TMPRSS7: variants seen among roughly 807,000 people sequenced by gnomAD.
TMPRSS7 encodes the protein transmembrane serine protease 7.
TMPRSS7 carries 81 observed loss-of-function variants against 95.6 expected under a neutral mutation model. That is an observed-to-expected ratio of 0.85 (90% CI 0.71 to 1.02). The LOEUF is 1.02. TMPRSS7 is among the 50% of genes least tolerant of loss of function. The probability of loss-of-function intolerance (pLI) is 0.00; values close to 1 mark genes in which losing one functional copy is unlikely to be tolerated. For synonymous variants in TMPRSS7, 364 were observed against 337.8 expected (o/e 1.08, Z -0.85); for missense variants, 945 against 955.2 (o/e 0.99, Z 0.14).
intron 3 of TMPRSS7, chr3:112,043,186 C>A: frequency 2.3e-6 from 1 of 443,640 alleles, no homozygotes; most frequent in South Asian, 1.6e-5. Context: ...TGGCCTACTA[C>A]ACACCCAGGC....
intron 3 of TMPRSS7, 21 bp from the exon 4 acceptor site, chr3:112,044,234 A>G (rs1481622883): frequency 6.6e-7 from 1 of 1,509,098 alleles, no homozygotes; most frequent in Non-Finnish European, 9.0e-7. Flanking sequence ...TACTTCAGAT[A>G]CCTCAACTAT....
intron 11 of TMPRSS7, among the ~76,000 whole-genome samples, chr3:112,062,915 A>C (rs553757076): frequency 6.6e-6 from 1 of 152,302 alleles, no homozygotes; most frequent in Admixed American, 6.5e-5. Flanking sequence ...CAGGGAATGG[A>C]TCATTAATCA....
chr3:112,051,263 CAAT>C (rs2073345078), intron 9 of TMPRSS7, among the ~76,000 whole-genome samples: 1 of 151,838 alleles, frequency 6.6e-6, no homozygotes, highest in Non-Finnish European at 1.5e-5. Context: ...AAATAAAAAA[CAAT>C]ACAATATAAC....
At chr3:112,078,641 G>T in intron 16 of TMPRSS7, 101 bp from the exon 17 acceptor site, 1 of 1,455,504 alleles carries the variant, frequency 6.9e-7, no homozygotes. Flanking sequence ...TTGCCGCTAT[G>T]AGGGTAAAAG....
At chr3:112,050,947 C>A (rs2073340406) in intron 9 of TMPRSS7, among the ~76,000 whole-genome samples, 164 bp downstream of exon 9, 1 of 152,118 alleles carries the variant, frequency 6.6e-6, no homozygotes, top group Non-Finnish European at 1.5e-5. Flanking sequence ...GTAATTTCAA[C>A]CCTCTGCCCA....
intron 9 of TMPRSS7, among the ~76,000 whole-genome samples, chr3:112,051,326 G>GA (rs2073346149): frequency 6.6e-6 from 1 of 151,972 alleles, no homozygotes; most frequent in Non-Finnish European, 1.5e-5. Flanking sequence ...GTAATCTAGA[G>GA]ATGATTTAAA....
At position 112,073,509 on chromosome 3, in the gene TMPRSS7, A is replaced by T. The variant is rs367572159; in HGVS notation, c.1667-787A>T. Among the ~76,000 whole-genome samples, 28 of 152,026 alleles carry T rather than the reference A, an allele frequency of 1.8e-4. No individual in the cohort carries two copies. The East Asian group carries it at 5.4e-3, about 29-fold the overall frequency. Reference sequence around the variant, plus strand: ...GACCAGTGATGATGAGCATTTTTTCATGTGTCTGTTGGCTGCATAAATGTC... The same window carrying T: ...GACCAGTGATGATGAGCATTTTTTCTTGTGTCTGTTGGCTGCATAAATGTC... On this transcript the variant is annotated intron_variant, in intron 13 of 17. Coordinates refer to ENST00000452346, the Ensembl canonical transcript of TMPRSS7.
intron 9 of TMPRSS7, among the ~76,000 whole-genome samples, chr3:112,054,131 G>T (rs1237215411): frequency 1.3e-5 from 2 of 152,198 alleles, no homozygotes; most frequent in African/African-American, 4.8e-5. Flanking sequence ...TTTTACCACA[G>T]AAACTTTCAC....
At chr3:112,047,711 A>G (rs1300664462) in intron 6 of TMPRSS7, 28 bp from the exon 7 acceptor site, 3 of 1,502,960 alleles carry the variant, frequency 2.0e-6, no homozygotes, top group Non-Finnish European at 2.7e-6. Flanking sequence ...AAAAAAGAAA[A>G]TAAAGGAAAA....
intron 4 of TMPRSS7, among the ~76,000 whole-genome samples, chr3:112,045,427 C>T (rs1289000318): frequency 6.6e-6 from 1 of 152,176 alleles, no homozygotes; most frequent in Admixed American, 6.5e-5. Flanking sequence ...GGATTACAGG[C>T]GTGAGCCACC....
chr3:112,037,231 C>A (rs910487611), intron 1 of TMPRSS7, among the ~76,000 whole-genome samples: 1 of 152,168 alleles, frequency 6.6e-6, no homozygotes, highest in African/African-American at 2.4e-5. Flanking sequence ...TCGCTAAATT[C>A]TTTCCCCAGT....
chr3:112,077,991 CTGTAGCCTCGTTT>C (rs2073733078), intron 16 of TMPRSS7, among the ~76,000 whole-genome samples: 1 of 152,166 alleles, frequency 6.6e-6, no homozygotes, highest in Non-Finnish European at 1.5e-5. Context: ...GAACCTTGCC[CTGTAGCCTCGTTT>C]TGACACTCTA....
intron 13 of TMPRSS7, among the ~76,000 whole-genome samples, chr3:112,068,236 T>C (rs1364857873): frequency 6.6e-6 from 1 of 152,202 alleles, no homozygotes; most frequent in African/African-American, 2.4e-5. Context: ...AGCCTTGTAG[T>C]ATAATTTGAA....
chr3:112,040,124 T>C (rs4682347), intron 2 of TMPRSS7, among the ~76,000 whole-genome samples: 43,644 of 151,716 alleles, frequency 0.29, 7,275 homozygotes, highest in Middle Eastern at 0.38. Flanking sequence ...TATGAAAATC[T>C]GATTGGAAGG....
chr3:112,059,991 C>T (rs193241790), intron 10 of TMPRSS7, among the ~76,000 whole-genome samples: 35 of 152,160 alleles, frequency 2.3e-4, no homozygotes, highest in South Asian at 2.1e-3. Flanking sequence ...CCCTAAGCAT[C>T]GGCTGGGTTG....
chr3:112,045,647 T>C (rs1198615559), intron 4 of TMPRSS7, 103 bp from the exon 5 acceptor site: 7 of 1,132,918 alleles, frequency 6.2e-6, no homozygotes, highest in South Asian at 3.3e-5. Flanking sequence ...CTAGCTTCAG[T>C]TGAAGGATGT....
chr3:112,068,319 G>T (rs909720784), intron 13 of TMPRSS7, among the ~76,000 whole-genome samples: 2 of 152,126 alleles, frequency 1.3e-5, no homozygotes, highest in Non-Finnish European at 2.9e-5. Flanking sequence ...CTCTTTTTTG[G>T]TTCCATATGA....
At chr3:112,053,567 G>T (rs534597246) in intron 9 of TMPRSS7, among the ~76,000 whole-genome samples, 1 of 152,214 alleles carries the variant, frequency 6.6e-6, no homozygotes, top group Non-Finnish European at 1.5e-5. Context: ...CCAAAAAAGG[G>T]TGTTGAGTTT....
intron 8 of TMPRSS7, 145 bp from the exon 9 acceptor site, chr3:112,050,526 A>AAAAAAAAAAC (rs2073331922): frequency 5.8e-6 from 2 of 347,250 alleles, no homozygotes; most frequent in African/African-American, 2.1e-5. Context: ...TCTTCTGAAA[A>AAAAAAAAAAC]AAAAAAAAAA....
Sources: gnomAD v4.1 joint callset for allele counts (sites outside exome capture counted in the v4.1 genomes callset) on GRCh38, gnomAD v4.1.1 for gene constraint, MANE v1.5 for transcripts, NCBI Gene and HGNC (gene_info 2026-07-23, HGNC 2026-07-21) for gene names.